CBLB: variants seen among roughly 807,000 people sequenced by gnomAD.
The protein encoded by CBLB is Cbl proto-oncogene B, also known as E3 ubiquitin-protein ligase CBL-B.
A neutral mutation model predicts 104.9 loss-of-function variants in CBLB; 31 were observed. The ratio of observed to expected loss-of-function variants is 0.30; its 90% CI spans 0.22 to 0.40. The LOEUF (loss-of-function observed/expected upper bound fraction) is 0.40, where lower values mean the gene tolerates loss of function less well. Ranked by LOEUF, CBLB falls within the 10% of genes least tolerant of loss-of-function variation. CBLB has a pLI of 1.00. For missense variants in CBLB, 1,062 were observed against 1,214.6 expected, an observed-to-expected ratio of 0.87 and a Z score of 1.87; for synonymous variants, 440 against 422.6, an observed-to-expected ratio of 1.04 and a Z score of -0.51.
chr3:105,869,169 C>G (rs948842409), upstream of CBLB: 16 of 585,022 alleles, frequency 2.7e-5, no homozygotes, highest in Middle Eastern at 4.2e-4. Flanking sequence ...CGCTGCCGCC[C>G]CGTCCACGTC....
chr3:105,715,237 G>A (rs1223376513), intron 10 of CBLB, among the ~76,000 whole-genome samples: 2 of 152,146 alleles, frequency 1.3e-5, no homozygotes, highest in Non-Finnish European at 2.9e-5. Context: ...GCTCACATCA[G>A]ATCTAATTAT....
chr3:105,704,199 C>T (rs1402152044), intron 10 of CBLB, 26 bp from the exon 11 acceptor site: 8 of 1,604,516 alleles, frequency 5.0e-6, no homozygotes, highest in East Asian at 4.5e-5. Flanking sequence ...AGAAAGATGC[C>T]GCTGTTTATT....
At chr3:105,732,061 C>T (rs1309983955) in intron 9 of CBLB, among the ~76,000 whole-genome samples, 1 of 152,154 alleles carries the variant, frequency 6.6e-6, no homozygotes, top group African/African-American at 2.4e-5. Flanking sequence ...CTTGTAAAAA[C>T]CACACTACCA....
chr3:105,868,282 G>A lies in CBLB; in HGVS notation c.-15+454C>T, dbSNP rs924574519. On this transcript the variant is annotated intron_variant, in intron 1 of 18. Coordinates refer to ENST00000394030, the MANE Select transcript of CBLB (RefSeq NM_170662.5). ...AAAATGACAAGAGCGGCCACGGAAAGGAGGAGTTCACTTCTCTGGCTCCTC... is the reference window on the plus strand; with the variant it reads ...AAAATGACAAGAGCGGCCACGGAAAAGAGGAGTTCACTTCTCTGGCTCCTC... 3 of 1,179,854 alleles carry A rather than the reference G, an allele frequency of 2.5e-6. No homozygotes were observed. In the Admixed American group the frequency reaches 1.3e-4, roughly 50 times the overall value. 73.1% of individuals were successfully genotyped at this position (1,179,854 alleles called of 1,614,324 possible). A position where few individuals can be genotyped will look rare whatever the true frequency, so the allele number is the denominator to read the frequency against.
chr3:105,704,705 T>C (rs1404415063), intron 10 of CBLB, among the ~76,000 whole-genome samples: 2 of 152,142 alleles, frequency 1.3e-5, no homozygotes, highest in Non-Finnish European at 2.9e-5. Context: ...TATTTTTTTT[T>C]CCTTAATACT....
intron 4 of CBLB, among the ~76,000 whole-genome samples, chr3:105,767,693 T>C (rs2078381239): frequency 6.6e-6 from 1 of 151,952 alleles, no homozygotes; most frequent in Admixed American, 6.6e-5. Context: ...TTCCACAAAA[T>C]AGAATATTTA....
At chr3:105,802,320 C>T (rs1390534113) in intron 3 of CBLB, among the ~76,000 whole-genome samples, 1 of 152,202 alleles carries the variant, frequency 6.6e-6, no homozygotes, top group Non-Finnish European at 1.5e-5. Flanking sequence ...ACTAATTCCT[C>T]CTTGGCCTTA....
intron 3 of CBLB, among the ~76,000 whole-genome samples, chr3:105,801,004 T>TA (rs2082797016): frequency 6.6e-6 from 1 of 151,440 alleles, no homozygotes; most frequent in African/African-American, 2.4e-5. Context: ...TCAGCATGCT[T>TA]TAAAAAAAAA....
Position 105,868,981 on chromosome 3 carries a change from C to T in CBLB, c.-260G>A. ...GGGAGGCCGCGGGACGCCGCAGCAG[C>T]ACTAGCAGGAGGAGGAGACCGCTCG... On this transcript the variant is annotated 5_prime_UTR_variant, in exon 1 of 19. Coordinates refer to ENST00000394030, the MANE Select transcript of CBLB (RefSeq NM_170662.5). 9.6e-7 allele frequency: 1 copy of T among 1,043,990 alleles called. No homozygotes were observed. The highest frequency in any genetic ancestry group is 1.2e-6 in the Non-Finnish European group (1 of 867,224). The allele number at this position is 1,043,990 out of a possible 1,614,324, so 64.7% of individuals were successfully genotyped here.
chr3:105,756,579 A>G (rs1417877900), intron 4 of CBLB, among the ~76,000 whole-genome samples: 2 of 152,158 alleles, frequency 1.3e-5, no homozygotes, highest in African/African-American at 4.8e-5. Flanking sequence ...CAATCCCAGG[A>G]GGTATTTTTT....
chr3:105,743,995 A>G (rs2075869829), intron 6 of CBLB, among the ~76,000 whole-genome samples: 1 of 151,868 alleles, frequency 6.6e-6, no homozygotes, highest in Admixed American at 6.6e-5. Flanking sequence ...TATGACTGAT[A>G]TACAAAAAAG....
At chr3:105,855,356 T>C (rs893350009) in intron 2 of CBLB, among the ~76,000 whole-genome samples, 6 of 152,172 alleles carry the variant, frequency 3.9e-5, no homozygotes, top group African/African-American at 7.2e-5. Flanking sequence ...ATGAGGCCTA[T>C]AGCTAATAAT....
Position 105,681,460 on chromosome 3 carries a change from C to G in CBLB, c.2428+19G>C. 1 of 1,613,574 alleles carries G rather than the reference C, an allele frequency of 6.2e-7. No individual in the cohort carries two copies. The stretch of plus-strand genomic sequence containing the variant: ...AGAAGGAGGGGTGGGTTGTTCAAAA[C>G]TTTTTTAAAGGTTTCAACCTAATGG... On this transcript the variant is annotated intron_variant, in intron 16 of 18. Transcript: ENST00000394030.
intron 3 of CBLB, among the ~76,000 whole-genome samples, chr3:105,805,087 T>C (rs1004617845): frequency 6.6e-6 from 1 of 152,106 alleles, no homozygotes; most frequent in Non-Finnish European, 1.5e-5. Flanking sequence ...CTGCTTCCAA[T>C]CTATCACCTT....
intron 3 of CBLB, among the ~76,000 whole-genome samples, chr3:105,783,998 C>T (rs1169421766): frequency 2.0e-5 from 3 of 152,248 alleles, no homozygotes; most frequent in Admixed American, 2.0e-4. Flanking sequence ...AATGCTAAAG[C>T]AGGATTAACA....
chr3:105,803,663 G>A (rs1244669708), intron 3 of CBLB, among the ~76,000 whole-genome samples: 1 of 152,172 alleles, frequency 6.6e-6, no homozygotes, highest in African/African-American at 2.4e-5. Context: ...GGGGGTGGGA[G>A]TAAGGAGACA....
chr3:105,670,312 A>T lies in CBLB; in HGVS notation c.2610T>A (p.Pro870=). 1 of 1,608,074 alleles carries T rather than the reference A, an allele frequency of 6.2e-7. No individual in the cohort carries two copies. Among genetic ancestry groups the T allele is most frequent in the Non-Finnish European group, 8.5e-7 (1 of 1,174,684 alleles). The change falls in exon 18 of 19, where the codon CCT becomes CCA. Residue 870 remains proline, a synonymous_variant. Coordinates refer to ENST00000394030, the MANE Select transcript of CBLB (RefSeq NM_170662.5). Reference sequence around the variant, plus strand: ...TTTCACCTGGTAACCTTCTAGCAGGAGGCAAAGGAACTTGGCCACTTGCTA... The same window carrying T: ...TTTCACCTGGTAACCTTCTAGCAGGTGGCAAAGGAACTTGGCCACTTGCTA... ...VDLASGQVPL[P]PARRLPGENV...
At chr3:105,844,402 G>A (rs1044019878) in intron 3 of CBLB, among the ~76,000 whole-genome samples, 1 of 152,154 alleles carries the variant, frequency 6.6e-6, no homozygotes, top group African/African-American at 2.4e-5. Context: ...ATGATCAGAT[G>A]TTCAAAGTAA....
At chr3:105,853,795 ATTT>A in intron 2 of CBLB, 131 bp from the exon 3 acceptor site, 1 of 645,130 alleles carries the variant, frequency 1.6e-6, no homozygotes, top group Non-Finnish European at 2.6e-6. Context: ...ACTATCTCCA[ATTT>A]ATTAACTGAT....
Sources: allele counts gnomAD v4.1 joint callset (sites outside exome capture counted in the v4.1 genomes callset), GRCh38; gene constraint gnomAD v4.1.1; transcripts MANE v1.5; gene names NCBI Gene and HGNC (gene_info 2026-07-23, HGNC 2026-07-21).